LRRC4C: variants seen among roughly 807,000 people sequenced by gnomAD.
LRRC4C encodes the protein leucine rich repeat containing 4C.
LRRC4C carries 5 observed loss-of-function variants against 33.6 expected under a neutral mutation model. The observed-to-expected ratio is 0.15, with a 90% CI of 0.08 to 0.31. LRRC4C has a LOEUF of 0.31. Among genes scored for constraint, LRRC4C ranks in the 10% least tolerant of loss-of-function variants. The pLI is 1.00. For missense variants in LRRC4C, 560 were observed against 796.7 expected, an observed-to-expected ratio of 0.70 and a Z score of 3.58; for synonymous variants, 329 against 302.0, an observed-to-expected ratio of 1.09 and a Z score of -0.93.
chr11:40,640,501 C>T (rs957903131), intron 3 of LRRC4C, among the ~76,000 whole-genome samples: 1 of 151,360 alleles, frequency 6.6e-6, no homozygotes, highest in Non-Finnish European at 1.5e-5. Context: ...ATAAACTATA[C>T]GTTTTCTATA....
At chr11:40,388,837 GT>G (rs561459336) in intron 3 of LRRC4C, among the ~76,000 whole-genome samples, 61 of 152,304 alleles carry the variant, frequency 4.0e-4, no homozygotes, top group Non-Finnish European at 7.8e-4. Flanking sequence ...GGTCAATTCT[GT>G]CTGTATTCAG....
intron 1 of LRRC4C, among the ~76,000 whole-genome samples, chr11:41,159,468 A>T (rs949116629): frequency 2.0e-5 from 3 of 152,146 alleles, no homozygotes; most frequent in Admixed American, 6.6e-5. Context: ...GAATTGACCC[A>T]GAAGACACAC....
chr11:41,448,122 G>GTTTTCTTTTTTTTTTTTTTTTTTTT (rs1955887755), intron 1 of LRRC4C, among the ~76,000 whole-genome samples: 1 of 46,948 alleles, frequency 2.1e-5, no homozygotes, highest in Non-Finnish European at 4.4e-5. Flanking sequence ...GCACACGTCT[G>GTTTTCTTTTTTTTTTTTTTTTTTTT]TTTTTTTTTT....
intron 2 of LRRC4C, among the ~76,000 whole-genome samples, chr11:40,816,838 TC>T (rs1299449561): frequency 3.3e-5 from 5 of 152,152 alleles, no homozygotes; most frequent in African/African-American, 4.8e-5. Context: ...TAATCCTCAA[TC>T]TTTTGCAAAA....
At chr11:41,353,930 G>A (rs1952070072) in intron 1 of LRRC4C, among the ~76,000 whole-genome samples, 1 of 151,678 alleles carries the variant, frequency 6.6e-6, no homozygotes, top group Non-Finnish European at 1.5e-5. Flanking sequence ...ATACTGAACA[G>A]GCAAACCTGG....
At chr11:40,400,688 G>C (rs1019196056) in intron 3 of LRRC4C, among the ~76,000 whole-genome samples, 2 of 152,064 alleles carry the variant, frequency 1.3e-5, no homozygotes, top group African/African-American at 4.8e-5. Context: ...ATTACTCCAT[G>C]TTTTCTTGTC....
chr11:41,216,852 A>G (rs754064261), intron 1 of LRRC4C, among the ~76,000 whole-genome samples: 11 of 152,170 alleles, frequency 7.2e-5, no homozygotes, highest in Non-Finnish European at 1.2e-4. Context: ...ATAATAAACT[A>G]TAAAAGAAAA....
At chr11:40,146,603 A>T (rs1857752534) in intron 5 of LRRC4C, among the ~76,000 whole-genome samples, 1 of 152,200 alleles carries the variant, frequency 6.6e-6, no homozygotes, top group Admixed American at 6.5e-5. Context: ...TCCAACCTGT[A>T]GAAAATCACA....
chr11:41,090,907 T>C (rs898392251), intron 1 of LRRC4C, among the ~76,000 whole-genome samples: 21 of 152,168 alleles, frequency 1.4e-4, no homozygotes, highest in Non-Finnish European at 2.9e-4. Flanking sequence ...ACTGTGAGTC[T>C]TTTAAAATGT....
intron 3 of LRRC4C, among the ~76,000 whole-genome samples, chr11:40,489,628 A>G (rs1447507140): frequency 6.6e-6 from 1 of 152,132 alleles, no homozygotes; most frequent in African/African-American, 2.4e-5. Flanking sequence ...GGTTGGAGCT[A>G]CCACTGTTTT....
intron 1 of LRRC4C, among the ~76,000 whole-genome samples, chr11:41,312,181 G>A (rs559304401): frequency 6.6e-6 from 1 of 152,038 alleles, no homozygotes; most frequent in Admixed American, 6.6e-5. Flanking sequence ...TCCTTCTGGG[G>A]TTTTCTGTCT....
intron 3 of LRRC4C, among the ~76,000 whole-genome samples, chr11:40,562,107 A>G (rs539990262): frequency 6.6e-5 from 10 of 152,352 alleles, no homozygotes; most frequent in African/African-American, 2.4e-4. Context: ...ATGATTTCCA[A>G]ACCGTGAAGA....
At chr11:41,037,219 A>C (rs955105140) in intron 1 of LRRC4C, among the ~76,000 whole-genome samples, 5 of 151,982 alleles carry the variant, frequency 3.3e-5, no homozygotes, top group African/African-American at 7.2e-5. Context: ...TTTCTAAATC[A>C]ACTCCTGATT....
chr11:40,802,769 G>A, intron 2 of LRRC4C, among the ~76,000 whole-genome samples: 1 of 152,152 alleles, frequency 6.6e-6, no homozygotes, highest in East Asian at 1.9e-4. Context: ...AAACTGTGAA[G>A]AATACATATG....
intron 2 of LRRC4C, among the ~76,000 whole-genome samples, chr11:40,787,856 G>C (rs1950477792): frequency 6.6e-6 from 1 of 152,002 alleles, no homozygotes; most frequent in South Asian, 2.1e-4. Flanking sequence ...TGATTTCAAA[G>C]AAAGAATGAG....
chr11:41,042,995 G>GT (rs201548974), intron 1 of LRRC4C, among the ~76,000 whole-genome samples: 102 of 59,708 alleles, frequency 1.7e-3, no homozygotes, highest in South Asian at 6.3e-3. Context: ...ACTGCCACCT[G>GT]TTTTGTTTTT....
chr11:40,189,350 T>G (rs1328844143), intron 5 of LRRC4C, among the ~76,000 whole-genome samples: 1 of 152,154 alleles, frequency 6.6e-6, no homozygotes. Context: ...CTTTACCTCC[T>G]AGGGTAAACC....
chr11:40,385,673 C>T (rs1949078620), intron 3 of LRRC4C, among the ~76,000 whole-genome samples: 1 of 151,838 alleles, frequency 6.6e-6, no homozygotes, highest in African/African-American at 2.4e-5. Flanking sequence ...TCGAGACCAT[C>T]CTGGCCAACA....
At chr11:41,199,102 T>C (rs1946301271) in intron 1 of LRRC4C, among the ~76,000 whole-genome samples, 1 of 152,108 alleles carries the variant, frequency 6.6e-6, no homozygotes, top group African/African-American at 2.4e-5. Flanking sequence ...CTGTATCAGC[T>C]ATCATATATA....
Sources: allele counts gnomAD v4.1 joint callset (sites outside exome capture counted in the v4.1 genomes callset), GRCh38; gene constraint gnomAD v4.1.1; transcripts MANE v1.5; gene names NCBI Gene and HGNC (gene_info 2026-07-23, HGNC 2026-07-21).